Variants in AGBL4 observed in about 807,000 individuals in gnomAD.
AGBL4 encodes cytosolic carboxypeptidase 6.
AGBL4 carries 58 observed loss-of-function variants against 66.4 expected under a neutral mutation model. That is an observed-to-expected ratio of 0.87 (90% CI 0.71 to 1.09). AGBL4 has a LOEUF of 1.09. Among genes scored for constraint, AGBL4 ranks in the 50% least tolerant of loss-of-function variants. The pLI, the probability that AGBL4 is intolerant of heterozygous loss-of-function variation, is 0.00. For synonymous variants in AGBL4, 234 were observed against 222.9 expected (o/e 1.05, Z -0.44); for missense variants, 579 against 631.0 (o/e 0.92, Z 0.88).
intron 5 of AGBL4, among the ~76,000 whole-genome samples, chr1:48,968,687 C>CAGAGATGAACCTGGGACCTAGGACCT (rs1658649851): frequency 2.0e-5 from 3 of 152,138 alleles, no homozygotes; most frequent in Admixed American, 2.0e-4. Context: ...GGGTCCATGG[C>CAGAGATGAACCTGGGACCTAGGACCT]AGAGATGAAC....
At chr1:48,631,628 A>G (rs919496216) in intron 9 of AGBL4, among the ~76,000 whole-genome samples, 10 of 152,140 alleles carry the variant, frequency 6.6e-5, no homozygotes, top group African/African-American at 2.4e-4. Context: ...TCCTGACTTC[A>G]GGTGGTCCGC....
rs143846568 is a variant in AGBL4 at position 49,699,497 on chromosome 1, A to G, written c.158-2060T>C. Among the ~76,000 whole-genome samples, 6 of 152,178 alleles carry G rather than the reference A, an allele frequency of 3.9e-5. No homozygotes were observed. The East Asian group carries it at 1.2e-3, about 29-fold the overall frequency. Reference sequence around the variant, plus strand: ...ACAATCTAAAATACATAGGTAGGACAAATATAACACAGAACATAAGCTGTA... The same window carrying G: ...ACAATCTAAAATACATAGGTAGGACGAATATAACACAGAACATAAGCTGTA... On this transcript the variant is annotated intron_variant, in intron 2 of 13. Coordinates refer to ENST00000371839, the MANE Select transcript of AGBL4 (RefSeq NM_032785.4).
intron 3 of AGBL4, among the ~76,000 whole-genome samples, chr1:49,290,065 A>C (rs916689888): frequency 2.0e-5 from 3 of 152,218 alleles, no homozygotes; most frequent in Admixed American, 6.5e-5. Flanking sequence ...AACTTTGCCC[A>C]AAAATTTTCA....
At chr1:49,174,101 T>A (rs1421836981) in intron 4 of AGBL4, among the ~76,000 whole-genome samples, 1 of 152,008 alleles carries the variant, frequency 6.6e-6, no homozygotes, top group Non-Finnish European at 1.5e-5. Context: ...TTTCAAAAAG[T>A]TTTTCTATAT....
chr1:49,323,062 T>C (rs1645158818), intron 3 of AGBL4, among the ~76,000 whole-genome samples: 1 of 152,236 alleles, frequency 6.6e-6, no homozygotes. Context: ...CATAATTTTA[T>C]GCAGTTAACT....
At chr1:49,682,486 C>T (rs1646714100) in intron 3 of AGBL4, among the ~76,000 whole-genome samples, 1 of 152,186 alleles carries the variant, frequency 6.6e-6, no homozygotes, top group Non-Finnish European at 1.5e-5. Flanking sequence ...GTTCTATCTA[C>T]TATTGAAAAA....
intron 3 of AGBL4, among the ~76,000 whole-genome samples, chr1:49,562,624 T>C (rs1219181284): frequency 1.3e-5 from 2 of 152,156 alleles, no homozygotes; most frequent in East Asian, 1.9e-4. Flanking sequence ...TTTGTAGATA[T>C]ATGGCATTAT....
chr1:48,616,329 G>T (rs1264668062), intron 9 of AGBL4, among the ~76,000 whole-genome samples: 1 of 152,146 alleles, frequency 6.6e-6, no homozygotes, highest in African/African-American at 2.4e-5. Context: ...AACCAGAGAC[G>T]TTCAGAGCTC....
At chr1:49,943,664 T>G (rs1373294977) in intron 1 of AGBL4, among the ~76,000 whole-genome samples, 3 of 151,694 alleles carry the variant, frequency 2.0e-5, no homozygotes, top group Non-Finnish European at 4.4e-5. Flanking sequence ...CATTTCTGCC[T>G]TGCCTCACAA....
At chr1:48,663,032 G>T (rs1646132222) in intron 7 of AGBL4, 120 bp downstream of exon 7, 1 of 884,398 alleles carries the variant, frequency 1.1e-6, no homozygotes. Context: ...TCTCTTTAAA[G>T]AAATGCATTA....
At chr1:49,536,569 C>T (rs923035915) in intron 3 of AGBL4, among the ~76,000 whole-genome samples, 4 of 152,016 alleles carry the variant, frequency 2.6e-5, no homozygotes, top group East Asian at 1.9e-4. Context: ...AAAATTCATA[C>T]GGTACCAACA....
chr1:49,162,492 T>C (rs1419579170), intron 4 of AGBL4, among the ~76,000 whole-genome samples: 1 of 152,240 alleles, frequency 6.6e-6, no homozygotes, highest in Non-Finnish European at 1.5e-5. Context: ...TTAGGGTTGG[T>C]ATTTACTTGT....
At chr1:48,613,655 C>T (rs1413102890) in intron 9 of AGBL4, among the ~76,000 whole-genome samples, 1 of 152,170 alleles carries the variant, frequency 6.6e-6, no homozygotes, top group Non-Finnish European at 1.5e-5. Flanking sequence ...CTGTTCTCTG[C>T]CATAAAACAG....
chr1:49,405,528 C>T (rs1208760176), intron 3 of AGBL4, among the ~76,000 whole-genome samples: 1 of 152,200 alleles, frequency 6.6e-6, no homozygotes, highest in Admixed American at 6.5e-5. Flanking sequence ...TAGTAAATAG[C>T]GAGAGCTCAA....
intron 6 of AGBL4, among the ~76,000 whole-genome samples, chr1:48,836,981 GTAAA>G (rs1646690241): frequency 6.8e-6 from 1 of 147,574 alleles, no homozygotes. Flanking sequence ...AATATTATAT[GTAAA>G]TAAATAACAT....
intron 1 of AGBL4, among the ~76,000 whole-genome samples, chr1:49,869,173 G>A (rs1184509314): frequency 6.6e-6 from 1 of 152,162 alleles, no homozygotes; most frequent in Non-Finnish European, 1.5e-5. Flanking sequence ...TTTAACCTTT[G>A]TGGAAGACAA....
chr1:49,695,306 C>T (rs1421345378), intron 3 of AGBL4, among the ~76,000 whole-genome samples: 1 of 151,960 alleles, frequency 6.6e-6, no homozygotes, highest in Admixed American at 6.6e-5. Context: ...TGATATGAGA[C>T]AGGAACATTA....
intron 6 of AGBL4, among the ~76,000 whole-genome samples, chr1:48,698,050 G>C (rs1319636114): frequency 6.6e-6 from 1 of 152,210 alleles, no homozygotes; most frequent in African/African-American, 2.4e-5. Context: ...TGGCTGGACT[G>C]AGCCTGGAAT....
Position 49,899,230 on chromosome 1 carries a change from C to A in AGBL4, c.35-47712G>T, listed in dbSNP as rs574598286. Among the ~76,000 whole-genome samples, 17 of 151,912 alleles carry A rather than the reference C, an allele frequency of 1.1e-4. No individual in the cohort carries two copies. The South Asian group carries it at 2.7e-3, about 24-fold the overall frequency. On this transcript the variant is annotated intron_variant, in intron 1 of 13. Transcript: ENST00000371839. ...ATTGCATGCCTATACCAAAATATCT[C>A]ATGTGACCTATAAATATATACACCT...
Sources: gnomAD v4.1 joint callset for allele counts (sites outside exome capture counted in the v4.1 genomes callset) on GRCh38, gnomAD v4.1.1 for gene constraint, MANE v1.5 for transcripts, NCBI Gene and HGNC (gene_info 2026-07-23, HGNC 2026-07-21) for gene names.